LOXL2: variants seen among roughly 807,000 people sequenced by gnomAD.
LOXL2 encodes the protein lysyl oxidase homolog 2.
LOXL2 carries 70 observed loss-of-function variants against 93.0 expected under a neutral mutation model. The ratio of observed to expected loss-of-function variants is 0.75; its 90% CI spans 0.62 to 0.92. The LOEUF is 0.92. Among genes scored for constraint, LOXL2 ranks in the 40% least tolerant of loss-of-function variants. LOXL2 has a pLI of 0.00. For synonymous variants in LOXL2, 438 were observed against 413.2 expected (o/e 1.06, Z -0.73); for missense variants, 973 against 1,054.9 (o/e 0.92, Z 1.08).
chr8:23,344,056 G>A (rs1803928473), intron 3 of LOXL2, among the ~76,000 whole-genome samples: 1 of 152,222 alleles, frequency 6.6e-6, no homozygotes, highest in African/African-American at 2.4e-5. Flanking sequence ...GTGACCCCCA[G>A]CACCTGGCCA....
intron 9 of LOXL2, among the ~76,000 whole-genome samples, chr8:23,313,775 A>G (rs1248388337): frequency 6.6e-6 from 1 of 151,828 alleles, no homozygotes; most frequent in African/African-American, 2.4e-5. Flanking sequence ...AGCAATGGCA[A>G]CAAAAGCCTA....
intron 9 of LOXL2, among the ~76,000 whole-genome samples, chr8:23,315,728 CT>C (rs1308007979): frequency 6.6e-6 from 1 of 152,176 alleles, no homozygotes; most frequent in Non-Finnish European, 1.5e-5. Context: ...ATAGAACCCC[CT>C]AGTACACATT....
chr8:23,304,106 C>G (rs4275230), intron 10 of LOXL2, among the ~76,000 whole-genome samples: 1 of 152,160 alleles, frequency 6.6e-6, no homozygotes, highest in East Asian at 1.9e-4. Flanking sequence ...GAGGGAGACA[C>G]TGACTCATCC....
intron 10 of LOXL2, among the ~76,000 whole-genome samples, chr8:23,304,613 C>T (rs1330133986): frequency 3.3e-5 from 5 of 152,104 alleles, no homozygotes; most frequent in African/African-American, 9.7e-5. Flanking sequence ...TGGCTTTGCC[C>T]GCTCTCGGGG....
intron 1 of LOXL2, among the ~76,000 whole-genome samples, chr8:23,376,836 C>T (rs1804602361): frequency 6.6e-6 from 1 of 152,092 alleles, no homozygotes; most frequent in African/African-American, 2.4e-5. Flanking sequence ...CTCTTTTCTT[C>T]TTTATTAGTC....
chr8:23,303,278 A>C lies in LOXL2; in HGVS notation c.1996+4T>G, dbSNP rs572274486. On this transcript the variant is annotated splice_donor_region_variant and intron_variant, in intron 11 of 13. Transcript: ENST00000389131. Reference sequence around the variant, plus strand: ...CCTCCCATCCCCCCACTCCGCTCAGATACCTCCTTCACATTCTGTGTCCTC... The same window carrying C: ...CCTCCCATCCCCCCACTCCGCTCAGCTACCTCCTTCACATTCTGTGTCCTC... The C allele has an allele frequency of 1.3e-6, 2 of 1,596,726 alleles. No individual in the cohort carries two copies. The highest frequency in any genetic ancestry group is 1.7e-6 in the Non-Finnish European group (2 of 1,164,728).
intron 5 of LOXL2, 146 bp from the exon 6 acceptor site, chr8:23,328,711 G>A (rs887186082): frequency 1.4e-5 from 6 of 423,766 alleles, no homozygotes; most frequent in Admixed American, 3.6e-5. Context: ...ATGTATGGAT[G>A]TGTGTGTGTG....
chr8:23,353,632 G>T (rs938222993), intron 3 of LOXL2, among the ~76,000 whole-genome samples: 9 of 152,142 alleles, frequency 5.9e-5, no homozygotes, highest in African/African-American at 2.2e-4. Flanking sequence ...AACCTGCCTG[G>T]TTAATTTCCT....
chr8:23,348,031 A>G (rs1444544148), intron 3 of LOXL2, among the ~76,000 whole-genome samples: 1 of 152,202 alleles, frequency 6.6e-6, no homozygotes, highest in Non-Finnish European at 1.5e-5. Flanking sequence ...ATTAAAAAAA[A>G]GAAAGAAAAG....
intron 1 of LOXL2, among the ~76,000 whole-genome samples, chr8:23,387,290 G>A: frequency 6.6e-6 from 1 of 152,174 alleles, no homozygotes. Context: ...TTGCCAACAA[G>A]AGGCACTGTG....
At position 23,320,062 on chromosome 8, in the gene LOXL2, C is replaced by A; in HGVS notation, c.1303-10G>T. 1 of 1,613,406 alleles carries A rather than the reference C, an allele frequency of 6.2e-7. No individual in the cohort carries two copies. Among genetic ancestry groups the A allele is most frequent in the Non-Finnish European group, 8.5e-7 (1 of 1,179,772 alleles). On this transcript the variant is annotated splice_polypyrimidine_tract_variant and intron_variant, in intron 7 of 13. Transcript: ENST00000389131. ...CGCCGTTCAGGCGCAGCTGCAGACA[C>A]AAAGGCAGGCCACGGTCACCAAGAG...
chr8:23,398,882 C>T (rs147250248), intron 1 of LOXL2, among the ~76,000 whole-genome samples: 6 of 152,130 alleles, frequency 3.9e-5, no homozygotes, highest in South Asian at 4.1e-4. Context: ...CGCCTAGAGA[C>T]GTCCCTGACG....
rs186002278 is a variant in LOXL2, at chr8:23,301,191, C to A, written c.2133+836G>T. 5.9e-5 allele frequency among the ~76,000 whole-genome samples: 9 copies of A among 152,336 alleles called. No homozygotes were observed. The East Asian group carries it at 1.7e-3, about 29-fold the overall frequency. The stretch of plus-strand genomic sequence containing the variant: ...TCATCCACTTTGCTAGCCAACAGGG[C>A]AAGCTGGAAAACGAGATGGGTGAGG... On this transcript the variant is annotated intron_variant, in intron 12 of 13. Coordinates refer to ENST00000389131, the MANE Select transcript of LOXL2 (RefSeq NM_002318.3).
chr8:23,317,470 A>T (rs986747156), intron 8 of LOXL2, among the ~76,000 whole-genome samples: 1 of 152,070 alleles, frequency 6.6e-6, no homozygotes, highest in Non-Finnish European at 1.5e-5. Context: ...CAATCACAGC[A>T]CTCTCTCCTC....
At chr8:23,315,640 T>C (rs756542853) in intron 9 of LOXL2, among the ~76,000 whole-genome samples, 2 of 152,248 alleles carry the variant, frequency 1.3e-5, no homozygotes, top group African/African-American at 2.4e-5. Context: ...CTGTTAGTTA[T>C]ATTAATGACC....
At chr8:23,359,215 C>G (rs2117203646) in intron 3 of LOXL2, among the ~76,000 whole-genome samples, 1 of 152,250 alleles carries the variant, frequency 6.6e-6, no homozygotes, top group African/African-American at 2.4e-5. Context: ...AGCCAGCTTC[C>G]AAGATGGCCC....
intron 1 of LOXL2, among the ~76,000 whole-genome samples, chr8:23,373,062 G>T (rs1804524224): frequency 6.6e-6 from 1 of 152,152 alleles, no homozygotes; most frequent in Non-Finnish European, 1.5e-5. Context: ...ATTAATAAAA[G>T]AACAAGTAGA....
At chr8:23,380,275 C>G (rs542869470) in intron 1 of LOXL2, among the ~76,000 whole-genome samples, 1 of 151,802 alleles carries the variant, frequency 6.6e-6, no homozygotes, top group South Asian at 2.1e-4. Flanking sequence ...TGCCTATAGT[C>G]CCAGCTACTC....
At chr8:23,383,657 G>GTTTTTTTTTTTTT (rs968347697) in intron 1 of LOXL2, among the ~76,000 whole-genome samples, 29 of 22,258 alleles carry the variant, frequency 1.3e-3, no homozygotes, top group South Asian at 1.9e-3. Context: ...TTTTTTTTTT[G>GTTTTTTTTTTTTT]TTTTTTTTTT....
Sources: gnomAD v4.1 joint callset for allele counts (sites outside exome capture counted in the v4.1 genomes callset) on GRCh38, gnomAD v4.1.1 for gene constraint, MANE v1.5 for transcripts, NCBI Gene and HGNC (gene_info 2026-07-23, HGNC 2026-07-21) for gene names.